LONP2: variants seen among roughly 807,000 people sequenced by gnomAD.
LONP2 encodes lon protease homolog 2, peroxisomal.
A neutral mutation model predicts 85.6 loss-of-function variants in LONP2; 60 were observed. The observed-to-expected ratio is 0.70, with a 90% CI of 0.57 to 0.87. LONP2 has a LOEUF of 0.87. Among genes scored for constraint, LONP2 ranks in the 40% least tolerant of loss-of-function variants. LONP2 has a pLI of 0.00. For synonymous variants in LONP2, 395 were observed against 389.7 expected, an observed-to-expected ratio of 1.01 and a Z score of -0.16; for missense variants, 860 against 1,063.5, an observed-to-expected ratio of 0.81 and a Z score of 2.66.
chr16:48,289,883 T>C (rs550757195), intron 8 of LONP2, among the ~76,000 whole-genome samples: 1 of 152,330 alleles, frequency 6.6e-6, no homozygotes, highest in South Asian at 2.1e-4. Context: ...GGTGTTCATT[T>C]TGTTATTATG....
chr16:48,299,682 A>G lies in LONP2; in HGVS notation c.1555A>G (p.Ile519Val). ...TCCAGGTTATACACAGGAGGAGAAG[A>G]TAGAGATTGCCCATAGGCACTTGAT... ...QVPGYTQEEK[I>V]EIAHRHLIPK... The change falls in exon 10 of 15, where the codon ATA becomes GTA. Residue 519 changes from isoleucine to valine, a missense_variant. Physicochemically the swap from Ile to Val is conservative, Grantham distance 29. Around this residue, in one of 3 missense-constraint regions of LONP2, gnomAD observed 743 missense variants for 917.3 expected, o/e 0.81. Transcript: ENST00000285737. 6.2e-7 allele frequency: 1 copy of G among 1,613,770 alleles called. No individual in the cohort carries two copies. The highest frequency in any genetic ancestry group is 8.5e-7 in the Non-Finnish European group (1 of 1,179,846).
intron 9 of LONP2, among the ~76,000 whole-genome samples, chr16:48,299,134 C>T (rs1309747666): frequency 6.6e-6 from 1 of 151,752 alleles, no homozygotes; most frequent in East Asian, 1.9e-4. Context: ...TCAAGTGATC[C>T]GCCCGCCTCA....
chr16:48,316,409 C>T (rs1193419690), intron 11 of LONP2, among the ~76,000 whole-genome samples: 1 of 150,224 alleles, frequency 6.7e-6, no homozygotes, highest in Non-Finnish European at 1.5e-5. Context: ...TAACTGCAAC[C>T]TTCACCTCCC....
chr16:48,287,921 C>A (rs1972481155), intron 8 of LONP2, among the ~76,000 whole-genome samples: 1 of 152,096 alleles, frequency 6.6e-6, no homozygotes, highest in Non-Finnish European at 1.5e-5. Flanking sequence ...AGAAGTGCTT[C>A]CTCCCCCATT....
intron 11 of LONP2, among the ~76,000 whole-genome samples, chr16:48,324,901 G>T (rs1315755477): frequency 6.6e-6 from 1 of 152,048 alleles, no homozygotes; most frequent in Non-Finnish European, 1.5e-5. Flanking sequence ...TAGCATATCT[G>T]TCACCTCATA....
chr16:48,361,598 T>C (rs373867044), downstream of LONP2: 1 of 1,612,922 alleles, frequency 6.2e-7, no homozygotes, highest in South Asian at 1.1e-5. Context: ...TGGAAATAGT[T>C]ACATTGATGC....
chr16:48,315,590 C>T (rs1973124093), intron 11 of LONP2, among the ~76,000 whole-genome samples: 1 of 152,186 alleles, frequency 6.6e-6, no homozygotes, highest in South Asian at 2.1e-4. Context: ...GCCTACTGAC[C>T]TCTTAAAAGT....
chr16:48,302,669 A>G (rs1224908646), intron 10 of LONP2, among the ~76,000 whole-genome samples: 1 of 152,258 alleles, frequency 6.6e-6, no homozygotes, highest in Non-Finnish European at 1.5e-5. Flanking sequence ...ATGAAAATAC[A>G]CTGAAGAAAG....
chr16:48,333,691 A>G, intron 11 of LONP2, among the ~76,000 whole-genome samples: 1 of 147,162 alleles, frequency 6.8e-6, no homozygotes. Flanking sequence ...AAAGAGAGAG[A>G]GAGAGAGAAG....
intron 11 of LONP2, among the ~76,000 whole-genome samples, chr16:48,316,162 C>T (rs1375006048): frequency 6.6e-6 from 1 of 151,686 alleles, no homozygotes; most frequent in Non-Finnish European, 1.5e-5. Context: ...CGTGTACCAC[C>T]ATACCCAGCT....
chr16:48,268,174 A>T (rs1972030656), intron 6 of LONP2, among the ~76,000 whole-genome samples: 1 of 152,186 alleles, frequency 6.6e-6, no homozygotes, highest in Non-Finnish European at 1.5e-5. Context: ...CATTAAAGAG[A>T]ATAATTAGAA....
At position 48,270,262 on chromosome 16, in the gene LONP2, T is replaced by C; in HGVS notation, c.1229T>C (p.Ile410Thr). The C allele has an allele frequency of 6.2e-7, 1 of 1,613,906 alleles. No individual in the cohort carries two copies. Among genetic ancestry groups the C allele is most frequent in the Non-Finnish European group, 8.5e-7 (1 of 1,179,838 alleles). ...GGAGGAGTATGTGATCAGTCTGACATTCGAGGACACAGGTAGAACACTTCT... is the reference window on the plus strand; with the variant it reads ...GGAGGAGTATGTGATCAGTCTGACACTCGAGGACACAGGTAGAACACTTCT... The part of the protein sequence containing the change: ...ALGGVCDQSD[I>T]RGHRRTYVGS... The change falls in exon 7 of 15, where the codon ATT becomes ACT. Residue 410 changes from isoleucine (I) to threonine (T), a missense_variant. Ile to Thr is a moderately conservative substitution (Grantham distance 89). Around this residue, in one of 3 missense-constraint regions of LONP2, gnomAD observed 743 missense variants for 917.3 expected, o/e 0.81. Transcript: ENST00000285737.
intron 11 of LONP2, among the ~76,000 whole-genome samples, chr16:48,321,146 A>C (rs1973254742): frequency 6.6e-6 from 1 of 152,150 alleles, no homozygotes; most frequent in African/African-American, 2.4e-5. Context: ...CAGCCTCCTG[A>C]AGTGCTGGGA....
chr16:48,320,830 A>C (rs948923473), intron 11 of LONP2, among the ~76,000 whole-genome samples: 1 of 152,270 alleles, frequency 6.6e-6, no homozygotes, highest in Non-Finnish European at 1.5e-5. Flanking sequence ...AAATCTAACT[A>C]TAATAGGAGC....
In LONP2 at chr16:48,252,017, A is replaced by G. The variant is rs1173973062; in HGVS notation, c.234-114A>G. The G allele has an allele frequency of 1.6e-5, 12 of 741,182 alleles. No individual in the cohort carries two copies. The Admixed American group carries it at 1.8e-4, about 11-fold the overall frequency. The allele number at this position is 741,182 out of a possible 1,614,324, so 45.9% of individuals were successfully genotyped here. On this transcript the variant is annotated intron_variant, in intron 1 of 14. Coordinates refer to ENST00000285737, the MANE Select transcript of LONP2 (RefSeq NM_031490.5). ...TTAAATAGAGAAAAAATTTATTTACACTTCAGATGTCTTTTGCTTAATGAA... is the reference window on the plus strand; with the variant it reads ...TTAAATAGAGAAAAAATTTATTTACGCTTCAGATGTCTTTTGCTTAATGAA...
chr16:48,272,640 C>T (rs572411514), intron 7 of LONP2, among the ~76,000 whole-genome samples: 2 of 151,944 alleles, frequency 1.3e-5, no homozygotes, highest in East Asian at 1.9e-4. Flanking sequence ...TGATTGTTGC[C>T]GAGTAAAAAG....
chr16:48,280,637 C>A (rs746931737), intron 8 of LONP2, among the ~76,000 whole-genome samples: 5 of 152,144 alleles, frequency 3.3e-5, no homozygotes, highest in African/African-American at 9.7e-5. Context: ...CCTGGGCCCA[C>A]GTACTAATCA....
chr16:48,315,203 C>T (rs1174872860), intron 11 of LONP2, among the ~76,000 whole-genome samples: 1 of 152,194 alleles, frequency 6.6e-6, no homozygotes, highest in African/African-American at 2.4e-5. Flanking sequence ...TGATTTAATT[C>T]TCAACATTCT....
intron 9 of LONP2, 52 bp from the exon 10 acceptor site, chr16:48,299,610 G>T (rs1296196935): frequency 1.5e-5 from 23 of 1,568,264 alleles, no homozygotes; most frequent in Non-Finnish European, 1.9e-5. Flanking sequence ...ACAAAGCATG[G>T]CATTATGGGA....
Sources: allele counts gnomAD v4.1 joint callset (sites outside exome capture counted in the v4.1 genomes callset), GRCh38; gene constraint gnomAD v4.1.1; regional missense constraint gnomAD v4.1.1; transcripts MANE v1.5; gene names NCBI Gene and HGNC (gene_info 2026-07-23, HGNC 2026-07-21).